Variants in PSMB7 observed in about 807,000 individuals in gnomAD.
PSMB7 encodes proteasome 20S subunit beta 7, also known as proteasome subunit beta type-7.
In PSMB7, 5 loss-of-function variants were observed where a neutral mutation model predicts 28.1. That is an observed-to-expected ratio of 0.18 (90% CI 0.09 to 0.37). The LOEUF (loss-of-function observed/expected upper bound fraction) is 0.37, where lower values mean the gene tolerates loss of function less well. Among genes scored for constraint, PSMB7 ranks in the 10% least tolerant of loss-of-function variants. The pLI, the probability that PSMB7 is intolerant of heterozygous loss-of-function variation, is 1.00. For synonymous variants in PSMB7, 122 were observed against 123.7 expected, an observed-to-expected ratio of 0.99 and a Z score of 0.09; for missense variants, 275 against 346.2, an observed-to-expected ratio of 0.79 and a Z score of 1.63.
At chr9:124,362,298 C>G (rs953424836) in intron 6 of PSMB7, among the ~76,000 whole-genome samples, 3 of 152,214 alleles carry the variant, frequency 2.0e-5, no homozygotes, top group East Asian at 3.8e-4. Context: ...CAAAGAGATA[C>G]TCAGCCTTTT....
chr9:124,388,455 A>G (rs73666883), intron 5 of PSMB7, among the ~76,000 whole-genome samples: 3,134 of 152,298 alleles, frequency 0.021, 117 homozygotes, highest in African/African-American at 0.069. Flanking sequence ...GCCTTCTGCT[A>G]AGCACCCGCC....
chr9:124,377,167 G>A (rs952346930), intron 6 of PSMB7, among the ~76,000 whole-genome samples: 1 of 152,136 alleles, frequency 6.6e-6, no homozygotes, highest in Non-Finnish European at 1.5e-5. Flanking sequence ...ACCATCTAAG[G>A]TGTTTTTACA....
At position 124,380,744 on chromosome 9, in the gene PSMB7, A is replaced by C. The variant is rs1430584293; in HGVS notation, c.570+3854T>G. 2.6e-5 allele frequency among the ~76,000 whole-genome samples: 4 copies of C among 152,112 alleles called. No homozygotes were observed. In the East Asian group the frequency reaches 7.7e-4, roughly 29 times the overall value. ...TCATTTGAGTGCCAAAACCCATTGA[A>C]CTCTACACTCAAGATCTGTGCACTT... On this transcript the variant is annotated intron_variant, in intron 6 of 7. Transcript: ENST00000259457.
chr9:124,382,200 C>CTTTTT (rs1164339420), intron 6 of PSMB7, among the ~76,000 whole-genome samples: 25 of 55,974 alleles, frequency 4.5e-4, no homozygotes, highest in East Asian at 1.6e-3. Flanking sequence ...TCTCTTTTCT[C>CTTTTT]TTTTTTTTTT....
At chr9:124,366,087 T>TA (rs1163196288) in intron 6 of PSMB7, among the ~76,000 whole-genome samples, 2,319 of 131,016 alleles carry the variant, frequency 0.018, 66 homozygotes, top group African/African-American at 0.064. Flanking sequence ...ATCTAAAAGG[T>TA]AAAAAAATTA....
chr9:124,374,084 T>C (rs1353666330), intron 6 of PSMB7, among the ~76,000 whole-genome samples: 10 of 152,238 alleles, frequency 6.6e-5, no homozygotes, highest in Non-Finnish European at 1.5e-4. Context: ...AATACTGATA[T>C]ATGCTACAAC....
chr9:124,363,170 C>G (rs534048686), intron 6 of PSMB7, among the ~76,000 whole-genome samples: 12 of 152,348 alleles, frequency 7.9e-5, no homozygotes, highest in Non-Finnish European at 1.6e-4. Flanking sequence ...CTCAAAGACT[C>G]TGAAATCATG....
chr9:124,414,764 G>A, intron 2 of PSMB7, 78 bp downstream of exon 2: 5 of 1,238,044 alleles, frequency 4.0e-6, no homozygotes, highest in South Asian at 3.7e-5. Flanking sequence ...GACCGAGCCG[G>A]GAGAGACACC....
intron 5 of PSMB7, among the ~76,000 whole-genome samples, chr9:124,394,196 G>T (rs973469451): frequency 3.3e-5 from 5 of 152,222 alleles, no homozygotes; most frequent in African/African-American, 9.7e-5. Context: ...ATGCAGCCAG[G>T]AATGGCAGCA....
intron 4 of PSMB7, among the ~76,000 whole-genome samples, chr9:124,407,976 G>A (rs1349142008): frequency 1.3e-5 from 2 of 152,094 alleles, no homozygotes; most frequent in Admixed American, 1.3e-4. Flanking sequence ...GTGAGACATC[G>A]TCTACAAAAA....
At chr9:124,380,959 A>T (rs1489365861) in intron 6 of PSMB7, among the ~76,000 whole-genome samples, 1 of 152,220 alleles carries the variant, frequency 6.6e-6, no homozygotes, top group Admixed American at 6.5e-5. Flanking sequence ...GAATTAGATG[A>T]TATTTTATTA....
intron 5 of PSMB7, among the ~76,000 whole-genome samples, chr9:124,392,498 C>A (rs1830797037): frequency 6.6e-6 from 1 of 152,328 alleles, no homozygotes; most frequent in East Asian, 1.9e-4. Context: ...CTTCCCCGCA[C>A]AAGAGGGCAG....
chr9:124,356,492 C>G lies in PSMB7; in HGVS notation c.722+272G>C, dbSNP rs1830408706. Among the ~76,000 whole-genome samples, 1 of 152,184 alleles carries G rather than the reference C, an allele frequency of 6.6e-6. No homozygotes were observed. The highest frequency in any genetic ancestry group is 2.1e-4 in the South Asian group (1 of 4,834). On this transcript the variant is annotated intron_variant, in intron 7 of 7. Transcript: ENST00000259457. The surrounding 1 kb of genome is among the most constrained non-coding windows in gnomAD (Gnocchi z 4.4). ...ACTTGAGAAAGGACAGCAGATGATC[C>G]AAACCTCTCCGGCCCCACCTCCCAG...
In PSMB7 at chr9:124,377,264, T is replaced by C. The variant is rs1250787074; in HGVS notation, c.570+7334A>G. On this transcript the variant is annotated intron_variant, in intron 6 of 7. Coordinates refer to ENST00000259457, the MANE Select transcript of PSMB7 (RefSeq NM_002799.4). ...GATGCCCCTCTTCCCAGAGTCCTGC[T>C]GTAAGGACAGAGGAAACAGACCTGC... Among the ~76,000 whole-genome samples the C allele has an allele frequency of 2.0e-5, 3 of 152,186 alleles. No homozygotes were observed. In the East Asian group the frequency reaches 5.8e-4, roughly 29 times the overall value.
chr9:124,374,418 T>C (rs1343145371), intron 6 of PSMB7, among the ~76,000 whole-genome samples: 2 of 152,260 alleles, frequency 1.3e-5, no homozygotes, highest in African/African-American at 4.8e-5. Context: ...TGTTATTACA[T>C]AGTAATAGAA....
intron 5 of PSMB7, among the ~76,000 whole-genome samples, chr9:124,400,251 C>G (rs1358091607): frequency 6.6e-6 from 1 of 152,214 alleles, no homozygotes; most frequent in Admixed American, 6.5e-5. Flanking sequence ...ATCCCTCAGG[C>G]GTTTAAGTGT....
chr9:124,413,327 G>A (rs1176933936), intron 3 of PSMB7, among the ~76,000 whole-genome samples: 8 of 151,878 alleles, frequency 5.3e-5, no homozygotes, highest in Non-Finnish European at 8.8e-5. Flanking sequence ...CAGTTCAGAC[G>A]TAACTGGAGC....
chr9:124,370,630 T>C (rs1027749359), intron 6 of PSMB7, among the ~76,000 whole-genome samples: 20 of 152,296 alleles, frequency 1.3e-4, no homozygotes, highest in African/African-American at 4.8e-4. Flanking sequence ...AATTACCATA[T>C]GCTTTAGATC....
chr9:124,400,917 T>C (rs1385514774), intron 5 of PSMB7, among the ~76,000 whole-genome samples: 1 of 152,220 alleles, frequency 6.6e-6, no homozygotes, highest in African/African-American at 2.4e-5. Flanking sequence ...TGTAGCCACA[T>C]AATACAATTC....
Sources: allele counts gnomAD v4.1 joint callset (sites outside exome capture counted in the v4.1 genomes callset), GRCh38; gene constraint gnomAD v4.1.1; non-coding constraint Gnocchi (gnomAD v3.1); transcripts MANE v1.5; gene names NCBI Gene and HGNC (gene_info 2026-07-23, HGNC 2026-07-21).